Variants in CXorf38 observed in about 807,000 individuals in gnomAD.
The protein encoded by CXorf38 is chromosome X open reading frame 38, also known as uncharacterized protein CXorf38.
Under a neutral mutation model 27.5 loss-of-function variants are expected in CXorf38, and 13 were observed. The ratio of observed to expected loss-of-function variants is 0.47; its 90% confidence interval spans 0.31 to 0.75. The LOEUF (loss-of-function observed/expected upper bound fraction) is 0.75, where lower values mean the gene tolerates loss of function less well. Among genes scored for constraint, CXorf38 ranks in the 30% least tolerant of loss-of-function variants. The pLI, the probability that CXorf38 is intolerant of heterozygous loss-of-function variation, is 0.05. For missense variants in CXorf38, 240 were observed against 253.2 expected (o/e 0.95, Z 0.35); for synonymous variants, 100 against 99.8 (o/e 1.00, Z -0.01).
chrX:40,632,216 G>A (rs751746274), intron 5 of CXorf38, among the ~76,000 whole-genome samples: 3 of 111,597 alleles, frequency 2.7e-5, no homozygotes, highest in Non-Finnish European at 3.8e-5. Context: ...GGCACCACAC[G>A]CATGATCACA....
At chrX:40,631,254 TACACACACAC>T (rs56725827) in intron 5 of CXorf38, among the ~76,000 whole-genome samples, 2,361 of 88,919 alleles carry the variant, frequency 0.027, 78 homozygotes, top group African/African-American at 0.086. Context: ...TATATATATA[TACACACACAC>T]ACACACACAC....
At chrX:40,632,332 T>G (rs1264419636) in intron 5 of CXorf38, among the ~76,000 whole-genome samples, 1 of 112,025 alleles carries the variant, frequency 8.9e-6, no homozygotes, top group Non-Finnish European at 1.9e-5. Context: ...TGACCCCCCC[T>G]GCAGACTCTC....
intron 5 of CXorf38, among the ~76,000 whole-genome samples, chrX:40,632,949 T>C (rs1299572274): frequency 8.9e-6 from 1 of 112,192 alleles, no homozygotes; most frequent in Non-Finnish European, 1.9e-5. Flanking sequence ...GACAGTCTAC[T>C]ACATGCTGGT....
At chrX:40,631,107 CGTGT>C (rs1362720858) in intron 5 of CXorf38, among the ~76,000 whole-genome samples, 1 of 110,059 alleles carries the variant, frequency 9.1e-6, no homozygotes, top group African/African-American at 3.3e-5. Context: ...CATACACACC[CGTGT>C]GTGTGTACAA....
At chrX:40,640,577 G>A (rs112098512) in intron 2 of CXorf38, among the ~76,000 whole-genome samples, 2,192 of 15,425 alleles carry the variant, frequency 0.14, 50 homozygotes, top group African/African-American at 0.22. Context: ...TGGCTGGCCC[G>A]TCAACAGGTA....
chrX:40,644,396 T>C lies in CXorf38; in HGVS notation c.351+2611A>G, dbSNP rs186822205. Among the ~76,000 whole-genome samples the C allele has an allele frequency of 8.7e-3, 971 of 111,250 alleles. 7 individuals are homozygous for C. The highest frequency in any genetic ancestry group is 0.03 in the African/African-American group (912 of 30,552). On this transcript the variant is annotated intron_variant, in intron 2 of 6. Transcript: ENST00000327877. The stretch of plus-strand genomic sequence containing the variant: ...AGCAGAAGGAAATAGATGGTGCACA[T>C]GGAGATTAGTTGGTGTTGGCAAAAA...
intron 3 of CXorf38, among the ~76,000 whole-genome samples, 183 bp downstream of exon 3, chrX:40,638,826 A>G (rs1216208560): frequency 9.0e-6 from 1 of 111,704 alleles, no homozygotes; most frequent in Non-Finnish European, 1.9e-5. Flanking sequence ...GAGCCACACT[A>G]GTTTGCTTAG....
At chrX:40,631,116 G>A (rs1024399959) in intron 5 of CXorf38, among the ~76,000 whole-genome samples, 1 of 109,744 alleles carries the variant, frequency 9.1e-6, no homozygotes, top group African/African-American at 3.3e-5. Context: ...CCGTGTGTGT[G>A]TACAAATAAA....
At position 40,647,294 on chromosome X, in the gene CXorf38, C is replaced by T. The variant is rs1928642993; in HGVS notation, c.216+11G>A. The T allele has an allele frequency of 9.2e-7, 1 of 1,091,247 alleles. No individual in the cohort carries two copies. The highest frequency in any genetic ancestry group is 1.2e-6 in the Non-Finnish European group (1 of 843,792). 89.9% of individuals were successfully genotyped at this position (1,091,247 alleles called of 1,213,427 possible). On this transcript the variant is annotated intron_variant, in intron 1 of 6. Transcript: ENST00000327877. ...GGGGGCGGTGGTCAAGGCCCCGAGCCAGGTGCTCACCTGGCGGGCGCGAGG... is the reference window on the plus strand; with the variant it reads ...GGGGGCGGTGGTCAAGGCCCCGAGCTAGGTGCTCACCTGGCGGGCGCGAGG...
intron 5 of CXorf38, among the ~76,000 whole-genome samples, chrX:40,632,508 T>C (rs957391855): frequency 8.0e-5 from 9 of 111,842 alleles, no homozygotes; most frequent in African/African-American, 2.9e-4. Context: ...AACAAATGCA[T>C]TTACTCTTGA....
rs372043596 is a variant in CXorf38, at chrX:40,637,135, T to G, written c.493A>C (p.Ile165Leu). Residue 165 changes from isoleucine to leucine, a missense_variant, in exon 4 of 7, where the codon ATC becomes CTC. By Grantham distance (5) the Ile-to-Leu change is conservative (BLOSUM62 2). Coordinates refer to ENST00000327877, the MANE Select transcript of CXorf38 (RefSeq NM_144970.3). The stretch of plus-strand genomic sequence containing the variant: ...ACTTTCATCTCTGAAGAGTGCATGA[T>G]CTCATTACGACATTTAATTACCTGC... ...VTEVIKCRNE[I>L]MHSSEMKVSS... 3 of 1,187,095 alleles carry G rather than the reference T, an allele frequency of 2.5e-6. No individual in the cohort carries two copies. The highest frequency in any genetic ancestry group is 3.5e-5 in the African/African-American group (2 of 56,433).
chrX:40,641,885 T>C (rs376596783), intron 2 of CXorf38, among the ~76,000 whole-genome samples: 2 of 111,524 alleles, frequency 1.8e-5, no homozygotes, highest in South Asian at 3.7e-4. Context: ...CTTCGCTGAG[T>C]AGGAGATGGG....
chrX:40,627,104 CTG>C lies in CXorf38; in HGVS notation c.*3058_*3059del, dbSNP rs1378533568. On this transcript the variant is annotated 3_prime_UTR_variant, in exon 7 of 7. Coordinates refer to ENST00000327877, the MANE Select transcript of CXorf38 (RefSeq NM_144970.3). ...TCAGAGGTAACACAGCAAAAAAAAA[CTG>C]GGGAAAAGCAAACAACTTTCCAGAC... 1 of 107,732 alleles carries C rather than the reference CTG, an allele frequency of 9.3e-6. No homozygotes were observed. Among genetic ancestry groups the C allele is most frequent in the Non-Finnish European group, 1.9e-5 (1 of 52,208 alleles). The allele number at this position is 107,732 out of a possible 1,213,427, so 8.9% of individuals were successfully genotyped here. A position where few individuals can be genotyped will look rare whatever the true frequency, so the allele number is the denominator to read the frequency against.
chrX:40,639,147 G>A lies in CXorf38; in HGVS notation c.352-19C>T. The A allele has an allele frequency of 1.7e-6, 2 of 1,202,292 alleles. No homozygotes were observed. Among genetic ancestry groups the A allele is most frequent in the Non-Finnish European group, 2.2e-6 (2 of 889,777 alleles). ...TGAAGGCCTATAGCAAGGGAGGGAG[G>A]AGGGGGACCTGAGTCTCTTCCAACT... On this transcript the variant is annotated intron_variant, in intron 2 of 6. Coordinates refer to ENST00000327877, the MANE Select transcript of CXorf38 (RefSeq NM_144970.3).
At position 40,627,187 on chromosome X, in the gene CXorf38, G is replaced by GC. The variant is rs1491481086; in HGVS notation, c.*2976_*2977insG. On this transcript the variant is annotated 3_prime_UTR_variant, in exon 7 of 7. Coordinates refer to ENST00000327877, the MANE Select transcript of CXorf38 (RefSeq NM_144970.3). ...CAGCTTGCTATGCATTTTTTTTTTT[G>GC]GGGGGGGGGGGTTGTTTTTTAGAGA... is the stretch of plus-strand genomic sequence containing the variant. 1.8e-5 allele frequency: 1 copy of GC among 54,808 alleles called. No individual in the cohort carries two copies. The highest frequency in any genetic ancestry group is 6.1e-4 in the East Asian group (1 of 1,641). 4.5% of individuals were successfully genotyped at this position (54,808 alleles called of 1,213,427 possible). A position where few individuals can be genotyped will look rare whatever the true frequency, so the allele number is the denominator to read the frequency against.
At chrX:40,633,700 T>C (rs1927933530) in intron 5 of CXorf38, among the ~76,000 whole-genome samples, 1 of 112,212 alleles carries the variant, frequency 8.9e-6, no homozygotes, top group South Asian at 3.7e-4. Context: ...TCATCGTCCC[T>C]TGTCCCTAAG....
intron 5 of CXorf38, among the ~76,000 whole-genome samples, chrX:40,631,225 G>GTA: frequency 9.9e-6 from 1 of 100,704 alleles, no homozygotes; most frequent in African/African-American, 3.7e-5. Context: ...ATATACATGT[G>GTA]TATATATATG....
chrX:40,647,233 G>A (rs1236978892), intron 1 of CXorf38, 72 bp downstream of exon 1: 6 of 1,117,130 alleles, frequency 5.4e-6, no homozygotes, highest in Admixed American at 5.6e-5. Flanking sequence ...TGCGCTCTGG[G>A]TCTGGGACAG....
chrX:40,644,016 C>T (rs1287253245), intron 2 of CXorf38, among the ~76,000 whole-genome samples: 2 of 111,994 alleles, frequency 1.8e-5, no homozygotes, highest in Admixed American at 9.4e-5. Context: ...TTTAAAAATT[C>T]CATTCATCAG....
Sources: gnomAD v4.1 joint callset for allele counts (sites outside exome capture counted in the v4.1 genomes callset) on GRCh38, gnomAD v4.1.1 for gene constraint, MANE v1.5 for transcripts, NCBI Gene and HGNC (gene_info 2026-07-23, HGNC 2026-07-21) for gene names.